The following RNF152 variants were observed in gnomAD, a reference collection of about 807,000 sequenced individuals.
The protein encoded by RNF152 is ring finger protein 152.
Under a neutral mutation model 12.7 loss-of-function variants are expected in RNF152, and 11 were observed. That is an observed-to-expected ratio of 0.86 (90% confidence interval 0.54 to 1.43). The LOEUF is 1.43. Ranked by LOEUF, RNF152 falls within the 40% of genes most tolerant of loss-of-function variation. RNF152 has a pLI of 0.00. For missense variants in RNF152, 255 were observed against 274.8 expected, an observed-to-expected ratio of 0.93 and a Z score of 0.51; for synonymous variants, 113 against 120.3, an observed-to-expected ratio of 0.94 and a Z score of 0.40.
intron 1 of RNF152, among the ~76,000 whole-genome samples, chr18:61,878,671 CA>C (rs769805934): frequency 4.6e-4 from 70 of 152,308 alleles, no homozygotes; most frequent in Non-Finnish European, 7.9e-4. Flanking sequence ...CCAGTGGATT[CA>C]GTGTCTAGTG....
intron 1 of RNF152, among the ~76,000 whole-genome samples, chr18:61,885,005 A>C (rs1912623874): frequency 2.0e-5 from 3 of 152,212 alleles, no homozygotes; most frequent in Admixed American, 1.3e-4. Flanking sequence ...AATGTAAAGG[A>C]GTGGAGTGGA....
intron 1 of RNF152, among the ~76,000 whole-genome samples, chr18:61,855,443 G>C (rs1911179366): frequency 1.3e-5 from 2 of 152,216 alleles, no homozygotes; most frequent in Non-Finnish European, 2.9e-5. Context: ...CTTACCTAGG[G>C]GCTCCTCGAG....
intron 1 of RNF152, among the ~76,000 whole-genome samples, chr18:61,871,959 TAAAG>T (rs1198607932): frequency 6.6e-6 from 1 of 152,180 alleles, no homozygotes; most frequent in Non-Finnish European, 1.5e-5. Context: ...CACATTGCTA[TAAAG>T]AAACACTTAA....
At chr18:61,856,077 G>A (rs1417635724) in intron 1 of RNF152, among the ~76,000 whole-genome samples, 1 of 152,274 alleles carries the variant, frequency 6.6e-6, no homozygotes, top group East Asian at 1.9e-4. Context: ...GTTCTCATCT[G>A]CAAGGGGAGA....
intron 1 of RNF152, among the ~76,000 whole-genome samples, chr18:61,835,850 G>T (rs915339658): frequency 2.0e-5 from 3 of 152,188 alleles, no homozygotes; most frequent in Non-Finnish European, 4.4e-5. Context: ...AAACTAGTTT[G>T]TATAGACCAT....
chr18:61,883,779 G>T (rs1912569348), intron 1 of RNF152, among the ~76,000 whole-genome samples: 1 of 152,166 alleles, frequency 6.6e-6, no homozygotes, highest in Non-Finnish European at 1.5e-5. Context: ...CTTTAAGGAA[G>T]ACTCAGGTTG....
intron 1 of RNF152, chr18:61,888,826 C>G (rs906691591): frequency 6.6e-6 from 1 of 152,212 alleles, no homozygotes; most frequent in African/African-American, 2.4e-5. Context: ...CACCTTCTTC[C>G]TTTCCGGTTT....
chr18:61,862,813 G>A (rs1911550941), intron 1 of RNF152, among the ~76,000 whole-genome samples: 2 of 152,194 alleles, frequency 1.3e-5, no homozygotes, highest in Non-Finnish European at 2.9e-5. Context: ...CTTGAAGCTG[G>A]TGGGTCAGAA....
chr18:61,888,238 C>G (rs1599331240), intron 1 of RNF152: 1 of 152,228 alleles, frequency 6.6e-6, no homozygotes, highest in African/African-American at 2.4e-5. Flanking sequence ...ACATCAAGAA[C>G]CACCCAAAGG....
chr18:61,838,516 G>A (rs1910290969), intron 1 of RNF152, among the ~76,000 whole-genome samples: 1 of 152,138 alleles, frequency 6.6e-6, no homozygotes, highest in Non-Finnish European at 1.5e-5. Context: ...CAATGAAATG[G>A]ACCTCAGTGT....
intron 1 of RNF152, among the ~76,000 whole-genome samples, chr18:61,818,959 A>G (rs1198343541): frequency 1.3e-5 from 2 of 152,202 alleles, no homozygotes; most frequent in Non-Finnish European, 2.9e-5. Flanking sequence ...CGAAGGAATC[A>G]GGGGGAATTT....
Position 61,816,369 on chromosome 18 carries a change from T to C in RNF152, c.95A>G (p.His32Arg). ...CTGCAGGCACACTGAACAGCAGGTG[T>C]GCTTGCAGTCCAGCAACTTGGGCCT... ...RRRPKLLDCK[H>R]TCCSVCLQQM... The change falls in exon 2 of 2, where the codon CAC becomes CGC. Residue 32 changes from histidine to arginine, a missense_variant. Physicochemically the swap from His to Arg is conservative, Grantham distance 29 (BLOSUM62 0). Coordinates refer to ENST00000312828, the MANE Select transcript of RNF152 (RefSeq NM_173557.3). The C allele has an allele frequency of 6.2e-7, 1 of 1,614,184 alleles. No homozygotes were observed. The highest frequency in any genetic ancestry group is 8.5e-7 in the Non-Finnish European group (1 of 1,180,026).
rs544963020 is a variant in RNF152 at position 61,892,784 on chromosome 18, TGGG to T, written c.-136+8_-136+10del. The stretch of plus-strand genomic sequence containing the variant: ...AGACACCCAGGCGCTACCCAGATCG[TGGG>T]GGGTTACCTGTATCTGTCACCGAGT... On this transcript the variant is annotated splice_region_variant and intron_variant, in intron 1 of 1. Coordinates refer to ENST00000312828, the MANE Select transcript of RNF152 (RefSeq NM_173557.3). 1 of 151,944 alleles carries T rather than the reference TGGG, an allele frequency of 6.6e-6. No individual in the cohort carries two copies. Among genetic ancestry groups the T allele is most frequent in the African/African-American group, 2.4e-5 (1 of 41,322 alleles). 9.4% of individuals were successfully genotyped at this position (151,944 alleles called of 1,614,324 possible).
At chr18:61,877,361 AAG>A (rs770066982) in intron 1 of RNF152, among the ~76,000 whole-genome samples, 2 of 152,236 alleles carry the variant, frequency 1.3e-5, no homozygotes, top group African/African-American at 2.4e-5. Context: ...CTAAGCATAT[AAG>A]AGTCCATTTC....
At chr18:61,844,383 A>C (rs1412135940) in intron 1 of RNF152, among the ~76,000 whole-genome samples, 2 of 152,200 alleles carry the variant, frequency 1.3e-5, no homozygotes, top group African/African-American at 2.4e-5. Context: ...CTCACACAAC[A>C]AACCTGAGAG....
intron 1 of RNF152, among the ~76,000 whole-genome samples, chr18:61,879,842 G>A (rs764985503): frequency 2.6e-5 from 4 of 152,048 alleles, no homozygotes; most frequent in Admixed American, 2.0e-4. Context: ...GCGCACGCCT[G>A]TAACCCCAGC....
At chr18:61,855,775 A>C (rs750725647) in intron 1 of RNF152, among the ~76,000 whole-genome samples, 4 of 152,314 alleles carry the variant, frequency 2.6e-5, no homozygotes, top group Middle Eastern at 6.8e-3. Flanking sequence ...GCAGCTAGCC[A>C]GGCCAAGTGG....
At position 61,816,048 on chromosome 18, in the gene RNF152, T is replaced by C. The variant is rs72998423; in HGVS notation, c.416A>G (p.Gln139Arg). The C allele has an allele frequency of 0.012, 19,632 of 1,614,212 alleles. 158 individuals carry two copies. Among genetic ancestry groups the C allele is most frequent in the Non-Finnish European group, 0.015 (17,378 of 1,180,040 alleles). Reference sequence around the variant, plus strand: ...GGGAGCCCCACCTTGCAGAGGCTGCTGTTCAGCAGGGATGGTCACCACGGT... The same window carrying C: ...GGGAGCCCCACCTTGCAGAGGCTGCCGTTCAGCAGGGATGGTCACCACGGT... ...SVTVVTIPAEQQPLQGGAPQE... is the reference protein window; with the variant it reads ...SVTVVTIPAERQPLQGGAPQE... The change falls in exon 2 of 2, where the codon CAG (glutamine) becomes CGG (arginine). Residue 139 changes from glutamine (Q) to arginine (R), a missense_variant. By Grantham distance (43) the Gln-to-Arg change is conservative. Transcript: ENST00000312828.
At chr18:61,882,881 C>T (rs776818747) in intron 1 of RNF152, among the ~76,000 whole-genome samples, 9 of 152,188 alleles carry the variant, frequency 5.9e-5, no homozygotes, top group Non-Finnish European at 1.2e-4. Flanking sequence ...CCAACCCACA[C>T]TACCATCATG....
Sources: allele counts gnomAD v4.1 joint callset (sites outside exome capture counted in the v4.1 genomes callset), GRCh38; gene constraint gnomAD v4.1.1; transcripts MANE v1.5; gene names NCBI Gene and HGNC (gene_info 2026-07-23, HGNC 2026-07-21).